Variants in UST observed in about 807,000 individuals in gnomAD.
UST encodes chondroitin sulfate 2-O-sulfotransferase.
UST carries 21 observed loss-of-function variants against 45.6 expected under a neutral mutation model. The ratio of observed to expected loss-of-function variants is 0.46; its 90% CI spans 0.33 to 0.66. UST has a LOEUF of 0.66. UST is among the 30% of genes least tolerant of loss of function. The pLI is 0.02. For missense variants in UST, 463 were observed against 512.4 expected, an observed-to-expected ratio of 0.90 and a Z score of 0.93; for synonymous variants, 215 against 200.6, an observed-to-expected ratio of 1.07 and a Z score of -0.61.
intron 1 of UST, among the ~76,000 whole-genome samples, chr6:148,876,213 A>G (rs1033298690): frequency 7.2e-5 from 11 of 151,908 alleles, no homozygotes; most frequent in African/African-American, 2.7e-4. Context: ...AGAGTGGGGG[A>G]AGTGCCACAC....
chr6:148,880,309 G>C (rs895265663), intron 1 of UST, among the ~76,000 whole-genome samples: 4 of 152,114 alleles, frequency 2.6e-5, no homozygotes, highest in African/African-American at 9.7e-5. Flanking sequence ...AGGTGGTCTT[G>C]GACAGCAAAC....
intron 2 of UST, among the ~76,000 whole-genome samples, chr6:148,889,145 T>A (rs908828581): frequency 1.3e-5 from 2 of 152,230 alleles, no homozygotes; most frequent in African/African-American, 4.8e-5. Context: ...GAGTGTCTGA[T>A]TCAGTGGGTC....
chr6:149,007,688 T>C (rs1471611845), intron 5 of UST, among the ~76,000 whole-genome samples: 2 of 151,848 alleles, frequency 1.3e-5, no homozygotes, highest in East Asian at 3.9e-4. Flanking sequence ...CCTCCCAAAA[T>C]GCTGGGATTA....
At chr6:148,949,292 AAAT>A (rs56946786) in intron 3 of UST, among the ~76,000 whole-genome samples, 16,463 of 141,094 alleles carry the variant, frequency 0.12, 1,094 homozygotes, top group African/African-American at 0.17. Context: ...CTTCGTCTCA[AAAT>A]AATAATAATA....
chr6:148,810,012 G>A (rs1777224679), intron 1 of UST, among the ~76,000 whole-genome samples: 1 of 152,188 alleles, frequency 6.6e-6, no homozygotes, highest in Non-Finnish European at 1.5e-5. Context: ...GGACAGGGAG[G>A]AGACAGAGCC....
In UST at chr6:148,955,328, G is replaced by A. The variant is rs7758814; in HGVS notation, c.527+1377G>A. On this transcript the variant is annotated intron_variant, in intron 4 of 7. Coordinates refer to ENST00000367463, the MANE Select transcript of UST (RefSeq NM_005715.3). Reference sequence around the variant, plus strand: ...AGCCATCCAAGGACTTCCCTGCTATGCAGCAGGTCCTGTGCAAGTTAAGTG... The same window carrying A: ...AGCCATCCAAGGACTTCCCTGCTATACAGCAGGTCCTGTGCAAGTTAAGTG... 6.7e-3 allele frequency among the ~76,000 whole-genome samples: 1,020 copies of A among 152,352 alleles called. 12 individuals are homozygous for A. Among genetic ancestry groups the A allele is most frequent in the Middle Eastern group, 0.024 (7 of 294 alleles).
chr6:148,826,278 A>G (rs1777566287), intron 1 of UST, among the ~76,000 whole-genome samples: 2 of 152,048 alleles, frequency 1.3e-5, no homozygotes, highest in South Asian at 4.2e-4. Flanking sequence ...ATGCCGGGCT[A>G]ATTTTTGTAC....
At chr6:149,023,884 C>T (rs529967095) in intron 7 of UST, among the ~76,000 whole-genome samples, 3 of 152,264 alleles carry the variant, frequency 2.0e-5, no homozygotes, top group Admixed American at 6.5e-5. Context: ...GCCTTTATTC[C>T]GTGATCTGAA....
At chr6:148,975,507 C>G (rs1780998310) in intron 5 of UST, among the ~76,000 whole-genome samples, 1 of 152,172 alleles carries the variant, frequency 6.6e-6, no homozygotes, top group African/African-American at 2.4e-5. Context: ...ATCAAAGTGT[C>G]CAGTGTGTAT....
intron 1 of UST, among the ~76,000 whole-genome samples, chr6:148,882,986 A>T (rs574261112): frequency 6.6e-6 from 1 of 152,232 alleles, no homozygotes; most frequent in Non-Finnish European, 1.5e-5. Context: ...TGCGGCCCAC[A>T]TTGCCCACAT....
intron 5 of UST, among the ~76,000 whole-genome samples, chr6:149,001,859 G>A (rs928266428): frequency 6.6e-6 from 1 of 152,160 alleles, no homozygotes; most frequent in African/African-American, 2.4e-5. Flanking sequence ...CTTTAAAAAG[G>A]TGAGTGGTGT....
intron 5 of UST, among the ~76,000 whole-genome samples, chr6:148,998,477 G>A (rs1781490657): frequency 6.6e-6 from 1 of 152,078 alleles, no homozygotes; most frequent in African/African-American, 2.4e-5. Flanking sequence ...TTTCCTTCTG[G>A]TATTACATGC....
At chr6:148,985,549 C>G (rs1436750177) in intron 5 of UST, among the ~76,000 whole-genome samples, 4 of 152,092 alleles carry the variant, frequency 2.6e-5, no homozygotes. Context: ...GAAAACGTAA[C>G]CATTAGATTT....
At chr6:148,814,710 C>T (rs1455513656) in intron 1 of UST, among the ~76,000 whole-genome samples, 2 of 152,178 alleles carry the variant, frequency 1.3e-5, no homozygotes, top group Non-Finnish European at 1.5e-5. Flanking sequence ...AGAATCTCTA[C>T]TGGATTCTTT....
intron 7 of UST, among the ~76,000 whole-genome samples, chr6:149,054,304 G>T (rs1333098896): frequency 1.3e-5 from 2 of 152,212 alleles, no homozygotes; most frequent in African/African-American, 4.8e-5. Context: ...TGATGAGTAA[G>T]TAGCATTCAA....
At chr6:148,786,402 G>A (rs1012825852) in intron 1 of UST, among the ~76,000 whole-genome samples, 3 of 151,844 alleles carry the variant, frequency 2.0e-5, no homozygotes, top group African/African-American at 4.8e-5. Context: ...CCCTGCCCTC[G>A]AAATGGCCCC....
chr6:148,978,680 G>A (rs1781070533), intron 5 of UST, among the ~76,000 whole-genome samples: 1 of 152,088 alleles, frequency 6.6e-6, no homozygotes. Context: ...CAGGGGTTGG[G>A]GGGAAAGGGG....
At chr6:148,921,761 C>T (rs1779711865) in intron 2 of UST, among the ~76,000 whole-genome samples, 1 of 152,146 alleles carries the variant, frequency 6.6e-6, no homozygotes, top group African/African-American at 2.4e-5. Context: ...GGCCCTTCAG[C>T]ATCCAGTCGC....
chr6:148,757,178 TCTGTGCACAGAGATAA>T (rs1776116649), intron 1 of UST, among the ~76,000 whole-genome samples: 2 of 152,250 alleles, frequency 1.3e-5, no homozygotes, highest in African/African-American at 4.8e-5. Flanking sequence ...AACATTTCCT[TCTGTGCACAGAGATAA>T]CTGTCCACTT....
Sources: allele counts gnomAD v4.1 joint callset (sites outside exome capture counted in the v4.1 genomes callset), GRCh38; gene constraint gnomAD v4.1.1; transcripts MANE v1.5; gene names NCBI Gene and HGNC (gene_info 2026-07-23, HGNC 2026-07-21).